ZNF248: variants seen among roughly 807,000 people sequenced by gnomAD.
ZNF248 encodes the protein zinc finger protein 248.
Under a neutral mutation model 44.3 loss-of-function variants are expected in ZNF248, and 20 were observed. The ratio of observed to expected loss-of-function variants is 0.45; its 90% CI spans 0.32 to 0.66. The LOEUF (loss-of-function observed/expected upper bound fraction) is 0.66, where lower values mean the gene tolerates loss of function less well. Among genes scored for constraint, ZNF248 ranks in the 30% least tolerant of loss-of-function variants. The pLI is 0.04. For synonymous variants in ZNF248, 224 were observed against 229.0 expected (o/e 0.98, Z 0.20); for missense variants, 654 against 677.0 (o/e 0.97, Z 0.38).
chr10:37,810,801 G>C (rs910899202), intron 6 of ZNF248, among the ~76,000 whole-genome samples: 1 of 152,102 alleles, frequency 6.6e-6, no homozygotes, highest in Non-Finnish European at 1.5e-5. Flanking sequence ...AATGTTAACA[G>C]ACGTGAAGAG....
At chr10:37,806,077 A>G (rs893756941) in intron 6 of ZNF248, among the ~76,000 whole-genome samples, 1 of 152,212 alleles carries the variant, frequency 6.6e-6, no homozygotes, top group Non-Finnish European at 1.5e-5. Flanking sequence ...GCACTGTGTG[A>G]ACATACTACA....
At chr10:37,797,456 A>T (rs1484154419) in intron 6 of ZNF248, among the ~76,000 whole-genome samples, 1 of 152,184 alleles carries the variant, frequency 6.6e-6, no homozygotes, top group Non-Finnish European at 1.5e-5. Flanking sequence ...GAATAAATTG[A>T]ACATCAACAA....
intron 3 of ZNF248, among the ~76,000 whole-genome samples, chr10:37,841,796 C>T (rs1452777665): frequency 6.6e-6 from 1 of 152,146 alleles, no homozygotes; most frequent in Non-Finnish European, 1.5e-5. Context: ...CTGTAGTCTT[C>T]CTCTAAGAAA....
At chr10:37,793,238 G>A (rs941690630) in intron 6 of ZNF248, among the ~76,000 whole-genome samples, 2 of 152,076 alleles carry the variant, frequency 1.3e-5, no homozygotes, top group African/African-American at 4.8e-5. Context: ...GGGAGGCTGA[G>A]GCAGCAGAAT....
chr10:37,810,443 C>T lies in ZNF248; in HGVS notation c.330+22582G>A, dbSNP rs550043655. On this transcript the variant is annotated intron_variant, in intron 6 of 6. Coordinates refer to the ZNF248 transcript ENST00000615949. ...CAATATCCTTCTTTATCTCTTGTGACCTTTTTGATTTAAGGCCTATTTTGT... is the reference window on the plus strand; with the variant it reads ...CAATATCCTTCTTTATCTCTTGTGATCTTTTTGATTTAAGGCCTATTTTGT... Among the ~76,000 whole-genome samples, 13 of 152,170 alleles carry T rather than the reference C, an allele frequency of 8.5e-5. 1 individual carries two copies. Among genetic ancestry groups the T allele is most frequent in the South Asian group, 4.1e-4 (2 of 4,822 alleles).
At chr10:37,782,390 A>G (rs879737344) in intron 6 of ZNF248, among the ~76,000 whole-genome samples, 15 of 152,092 alleles carry the variant, frequency 9.9e-5, no homozygotes, top group South Asian at 4.2e-4. Context: ...GTAATGGGTT[A>G]AGATTTGGGG....
rs1187163431 is a variant in ZNF248 at position 37,829,086 on chromosome 10, C to A, written c.*2529G>T. 1 of 985,396 alleles carries A rather than the reference C, an allele frequency of 1.0e-6. No homozygotes were observed. The highest frequency in any genetic ancestry group is 1.2e-6 in the Non-Finnish European group (1 of 829,976). The allele number at this position is 985,396 out of a possible 1,614,324, so 61.0% of individuals were successfully genotyped here. ...TCTCTTCCCAGATTCTCTCTCCACCCTTCTCTGTGCCCACCTGGGCTCTCC... is the reference window on the plus strand; with the variant it reads ...TCTCTTCCCAGATTCTCTCTCCACCATTCTCTGTGCCCACCTGGGCTCTCC... On this transcript the variant is annotated 3_prime_UTR_variant, in exon 6 of 6. Coordinates refer to ENST00000395867, the MANE Select transcript of ZNF248 (RefSeq NM_021045.3).
Position 37,833,128 on chromosome 10 carries a change from A to T in ZNF248, c.239-12T>A. On this transcript the variant is annotated splice_polypyrimidine_tract_variant and intron_variant, in intron 5 of 5. Transcript: ENST00000395867. ...TTTCCATTTCCTTTCTAGAAATGAG[A>T]AAAATAACCACATCTTATGAACCTT... is the stretch of plus-strand genomic sequence containing the variant. The T allele has an allele frequency of 6.4e-7, 1 of 1,567,224 alleles. No individual in the cohort carries two copies. The highest frequency in any genetic ancestry group is 8.6e-7 in the Non-Finnish European group (1 of 1,163,500).
At chr10:37,779,302 A>G (rs1021912556) in intron 6 of ZNF248, among the ~76,000 whole-genome samples, 1 of 152,202 alleles carries the variant, frequency 6.6e-6, no homozygotes, top group African/African-American at 2.4e-5. Context: ...AACACATCAA[A>G]AAGCTTATCC....
chr10:37,826,363 C>G (rs539506766), downstream of ZNF248, among the ~76,000 whole-genome samples: 5 of 152,120 alleles, frequency 3.3e-5, no homozygotes, highest in Non-Finnish European at 7.4e-5. Flanking sequence ...GTGGTAAAGT[C>G]ATGTCAGTGA....
chr10:37,762,270 G>A, the ZNF248 span, among the ~76,000 whole-genome samples: 1 of 152,090 alleles, frequency 6.6e-6, no homozygotes, highest in Non-Finnish European at 1.5e-5. Flanking sequence ...GCTAACACTT[G>A]GAATGTTCTA....
In ZNF248 at chr10:37,831,570, G is replaced by A; in HGVS notation, c.*45C>T. The A allele has an allele frequency of 1.3e-6, 2 of 1,559,866 alleles. No homozygotes were observed. The highest frequency in any genetic ancestry group is 1.7e-6 in the Non-Finnish European group (2 of 1,156,180). ...TTGGCTTTCTCTGATCTCCTTTTTT[G>A]AAACTGTATAACCAATTTCACAAGT... On this transcript the variant is annotated 3_prime_UTR_variant, in exon 6 of 6. Coordinates refer to ENST00000395867, the MANE Select transcript of ZNF248 (RefSeq NM_021045.3).
chr10:37,825,897 GAAA>G (rs34044220), downstream of ZNF248, among the ~76,000 whole-genome samples: 2 of 140,770 alleles, frequency 1.4e-5, no homozygotes, highest in Admixed American at 7.1e-5. Context: ...GTCTGCAGGT[GAAA>G]AAAAAAAAAG....
Position 37,832,468 on chromosome 10 carries a change from G to A in ZNF248, c.887C>T (p.Pro296Leu). The change falls in exon 6 of 6, where the codon CCT becomes CTT. Residue 296 changes from proline to leucine, a missense_variant. By Grantham distance (98) the Pro-to-Leu change is moderately conservative (BLOSUM62 -3). Coordinates refer to ENST00000395867, the MANE Select transcript of ZNF248 (RefSeq NM_021045.3). ...TTCCCCATATTCATTATATTCATAA[G>A]GATTGTCCTTTGTAAGAGCTCTCTG... The part of the protein sequence containing the change: ...GHQRALTKDN[P>L]YEYNEYGEIF... The A allele has an allele frequency of 6.2e-7, 1 of 1,613,922 alleles. No individual in the cohort carries two copies. The highest frequency in any genetic ancestry group is 1.3e-5 in the African/African-American group (1 of 75,018).
At chr10:37,835,002 G>A (rs2056817924) in intron 5 of ZNF248, among the ~76,000 whole-genome samples, 1 of 151,938 alleles carries the variant, frequency 6.6e-6, no homozygotes, top group African/African-American at 2.4e-5. Context: ...TTGAAAGTCA[G>A]CCCTTGACAC....
chr10:37,803,319 AG>A (rs35596080), intron 6 of ZNF248: 6 of 152,382 alleles, frequency 3.9e-5, no homozygotes, highest in African/African-American at 1.4e-4. Flanking sequence ...GGAGGAGCAC[AG>A]GGACAAGTTC....
At chr10:37,804,217 G>C (rs2050223284) in intron 6 of ZNF248, among the ~76,000 whole-genome samples, 1 of 139,210 alleles carries the variant, frequency 7.2e-6, no homozygotes. Flanking sequence ...CGATATTTCA[G>C]AGTGCAGTCT....
At chr10:37,839,405 T>C (rs977441289) in intron 3 of ZNF248, among the ~76,000 whole-genome samples, 32 of 152,020 alleles carry the variant, frequency 2.1e-4, no homozygotes, top group Admixed American at 2.1e-3. Flanking sequence ...GCACCCTAAT[T>C]TTTGTTTCTA....
At position 37,833,010 on chromosome 10, in the gene ZNF248, A is replaced by G. The variant is rs756334041; in HGVS notation, c.345T>C (p.Asn115=). The change falls in exon 6 of 6, where the codon AAT becomes AAC. Residue 115 remains asparagine, a synonymous_variant. Transcript: ENST00000395867. ...TGAAAGTTTTGCTTCCTCTATCTCC[A>G]TTTTCTACACTTACTGTTTTGTTGT... ...FHNNKTVSVE[N]GDRGSKTFNL... 7 of 1,613,550 alleles carry G rather than the reference A, an allele frequency of 4.3e-6. No homozygotes were observed. The South Asian group carries it at 7.7e-5, about 18-fold the overall frequency.
Sources: allele counts gnomAD v4.1 joint callset (sites outside exome capture counted in the v4.1 genomes callset), GRCh38; gene constraint gnomAD v4.1.1; transcripts MANE v1.5; gene names NCBI Gene and HGNC (gene_info 2026-07-23, HGNC 2026-07-21).